CAMK4: variants seen among roughly 807,000 people sequenced by gnomAD.
CAMK4 encodes the protein calcium/calmodulin-dependent protein kinase type IV.
CAMK4 carries 22 observed loss-of-function variants against 44.9 expected under a neutral mutation model. The ratio of observed to expected loss-of-function variants is 0.49; its 90% confidence interval spans 0.35 to 0.70. The LOEUF (loss-of-function observed/expected upper bound fraction) is 0.70, where lower values mean the gene tolerates loss of function less well. Ranked by LOEUF, CAMK4 falls within the 30% of genes least tolerant of loss-of-function variation. CAMK4 has a pLI of 0.01. For missense variants in CAMK4, 498 were observed against 586.8 expected, an observed-to-expected ratio of 0.85 and a Z score of 1.56; for synonymous variants, 218 against 215.4, an observed-to-expected ratio of 1.01 and a Z score of -0.11.
chr5:111,309,220 C>T (rs1012213393), intron 1 of CAMK4, among the ~76,000 whole-genome samples: 2 of 152,220 alleles, frequency 1.3e-5, no homozygotes, highest in South Asian at 4.1e-4. Flanking sequence ...TGTCAGTAAG[C>T]ATGTACACCA....
At chr5:111,309,068 C>G (rs903736762) in intron 1 of CAMK4, among the ~76,000 whole-genome samples, 1 of 152,136 alleles carries the variant, frequency 6.6e-6, no homozygotes, top group African/African-American at 2.4e-5. Flanking sequence ...ACCTGAGTAT[C>G]TTAGAGTCTT....
At chr5:111,429,777 C>CAAAAAAAAAA (rs70973607) in intron 5 of CAMK4, among the ~76,000 whole-genome samples, 31 of 26,346 alleles carry the variant, frequency 1.2e-3, no homozygotes, top group East Asian at 2.8e-3. Flanking sequence ...GACCTCATCT[C>CAAAAAAAAAA]AAAAAAAAAA....
chr5:111,323,450 T>C (rs1748745064), intron 1 of CAMK4, among the ~76,000 whole-genome samples: 1 of 152,026 alleles, frequency 6.6e-6, no homozygotes, highest in South Asian at 2.1e-4. Context: ...ATTAAATGCA[T>C]TTTCCACTTA....
chr5:111,259,710 C>A (rs1749899386), intron 1 of CAMK4, among the ~76,000 whole-genome samples: 1 of 152,116 alleles, frequency 6.6e-6, no homozygotes, highest in African/African-American at 2.4e-5. Flanking sequence ...ATGTGACTTA[C>A]AAAAAGTTCC....
chr5:111,344,107 GT>G lies in CAMK4; in HGVS notation c.240+8del. On this transcript the variant is annotated splice_donor_region_variant and intron_variant, in intron 2 of 10. Coordinates refer to ENST00000282356, the MANE Select transcript of CAMK4 (RefSeq NM_001744.6). The stretch of plus-strand genomic sequence containing the variant: ...CTCAAAGTGTTAAAGAAAACAGTAA[GT>G]TTATTTCTTATATAATGGCATCTCT... The G allele has an allele frequency of 6.4e-7, 1 of 1,561,480 alleles. No individual in the cohort carries two copies. Among genetic ancestry groups the G allele is most frequent in the Non-Finnish European group, 8.8e-7 (1 of 1,133,730 alleles).
intron 5 of CAMK4, among the ~76,000 whole-genome samples, chr5:111,404,956 C>A (rs306100): frequency 0.54 from 81,448 of 151,808 alleles, 22,568 homozygotes; most frequent in African/African-American, 0.69. Context: ...TACTGATTCC[C>A]TAGTTTATTC....
intron 1 of CAMK4, among the ~76,000 whole-genome samples, chr5:111,243,276 A>G (rs966944562): frequency 6.6e-6 from 1 of 152,200 alleles, no homozygotes; most frequent in Admixed American, 6.5e-5. Context: ...CATCGGTGAT[A>G]TGGGGAACCT....
intron 2 of CAMK4, among the ~76,000 whole-genome samples, chr5:111,360,916 T>C (rs1268617079): frequency 6.6e-6 from 1 of 152,106 alleles, no homozygotes; most frequent in Admixed American, 6.6e-5. Context: ...CTAGAATCTC[T>C]GTCTTTCCCA....
At chr5:111,338,872 G>A (rs889332963) in intron 1 of CAMK4, among the ~76,000 whole-genome samples, 1 of 150,038 alleles carries the variant, frequency 6.7e-6, no homozygotes, top group African/African-American at 2.5e-5. Flanking sequence ...TATCCTTGTA[G>A]CGTATTTTGA....
Position 111,490,596 on chromosome 5 carries a change from CA to C in CAMK4, c.*6139del, listed in dbSNP as rs564070496. The C allele has an allele frequency of 4.7e-5, 7 of 150,076 alleles. No individual in the cohort carries two copies. The highest frequency in any genetic ancestry group is 5.9e-5 in the Non-Finnish European group (4 of 67,492). The allele number at this position is 150,076 out of a possible 1,614,324, so 9.3% of individuals were successfully genotyped here. On this transcript the variant is annotated 3_prime_UTR_variant, in exon 11 of 11. Coordinates refer to ENST00000282356, the MANE Select transcript of CAMK4 (RefSeq NM_001744.6). Reference sequence around the variant, plus strand: ...CTGGACAACAAGAGCGAAACTCCGTCAAAAAAAAATATATATATATGACCAT... The same window carrying C: ...CTGGACAACAAGAGCGAAACTCCGTCAAAAAAAATATATATATATGACCAT...
At chr5:111,389,738 G>A (rs1751733863) in intron 4 of CAMK4, among the ~76,000 whole-genome samples, 1 of 152,168 alleles carries the variant, frequency 6.6e-6, no homozygotes, top group African/African-American at 2.4e-5. Flanking sequence ...ATAATATAAG[G>A]TTGCAAAGAA....
In CAMK4 at chr5:111,392,199, C is replaced by T. The variant is rs1271501124; in HGVS notation, c.387-2511C>T. The stretch of plus-strand genomic sequence containing the variant: ...TTATAAAGAAAAGAGGTTTAATTGA[C>T]CCCCAGTTCTGCATGGCTGCAGAGG... On this transcript the variant is annotated intron_variant, in intron 4 of 10. Transcript: ENST00000282356. Among the ~76,000 whole-genome samples the T allele has an allele frequency of 4.6e-5, 7 of 152,210 alleles. 1 individual carries two copies. The South Asian group carries it at 1.2e-3, about 27-fold the overall frequency.
At chr5:111,299,510 C>T (rs189814298) in intron 1 of CAMK4, among the ~76,000 whole-genome samples, 65 of 152,148 alleles carry the variant, frequency 4.3e-4, no homozygotes, top group Non-Finnish European at 8.4e-4. Context: ...AGTACAAAGA[C>T]AGAAAAGAAG....
chr5:111,282,419 A>G (rs1751061579), intron 1 of CAMK4, among the ~76,000 whole-genome samples: 1 of 136,788 alleles, frequency 7.3e-6, no homozygotes, highest in African/African-American at 2.8e-5. Flanking sequence ...TCTAGTATAC[A>G]TTGCTTGAAA....
intron 1 of CAMK4, among the ~76,000 whole-genome samples, chr5:111,279,015 G>A (rs1270628780): frequency 2.0e-5 from 3 of 152,160 alleles, no homozygotes; most frequent in Non-Finnish European, 4.4e-5. Flanking sequence ...ATGGTGTATG[G>A]CTCAAGGGCG....
Position 111,486,542 on chromosome 5 carries a change from C to CACACACACACACACACATAT in CAMK4, c.*2076_*2077insACACACACACACACACATAT, listed in dbSNP as rs139004418. 35 of 147,346 alleles carry CACACACACACACACACATAT rather than the reference C, an allele frequency of 2.4e-4. No homozygotes were observed. Among genetic ancestry groups the CACACACACACACACACATAT allele is most frequent in the African/African-American group, 8.3e-4 (33 of 39,872 alleles). The allele number at this position is 147,346 out of a possible 1,614,324, so 9.1% of individuals were successfully genotyped here. A position where few individuals can be genotyped will look rare whatever the true frequency, so the allele number is the denominator to read the frequency against. Reference sequence around the variant, plus strand: ...ACACACACACACACACACACACACACGTGTTGGAAGAGCAAAGAGAGGGAA... The same window carrying CACACACACACACACACATAT: ...ACACACACACACACACACACACACACACACACACACACACACATATGTGTTGGAAGAGCAAAGAGAGGGAA... On this transcript the variant is annotated 3_prime_UTR_variant, in exon 11 of 11. Coordinates refer to ENST00000282356, the MANE Select transcript of CAMK4 (RefSeq NM_001744.6).
intron 7 of CAMK4, among the ~76,000 whole-genome samples, chr5:111,466,251 T>C (rs1436879852): frequency 6.6e-6 from 1 of 152,114 alleles, no homozygotes; most frequent in East Asian, 1.9e-4. Flanking sequence ...TAATACCGAA[T>C]GGGGAAAAGT....
At chr5:111,433,636 C>T (rs1046840855) in intron 5 of CAMK4, among the ~76,000 whole-genome samples, 1 of 152,118 alleles carries the variant, frequency 6.6e-6, no homozygotes, top group Non-Finnish European at 1.5e-5. Flanking sequence ...TCTGGAGGAG[C>T]ATGTGGGATG....
chr5:111,458,494 G>A (rs184450981), intron 7 of CAMK4, among the ~76,000 whole-genome samples: 62 of 152,274 alleles, frequency 4.1e-4, no homozygotes, highest in African/African-American at 1.4e-3. Flanking sequence ...CTATGCACTA[G>A]GCACTGTTGT....
Sources: allele counts gnomAD v4.1 joint callset (sites outside exome capture counted in the v4.1 genomes callset), GRCh38; gene constraint gnomAD v4.1.1; transcripts MANE v1.5; gene names NCBI Gene and HGNC (gene_info 2026-07-23, HGNC 2026-07-21).